Variants in ATR observed in about 807,000 individuals in gnomAD.
ATR encodes the protein serine/threonine-protein kinase ATR.
In ATR, 142 loss-of-function variants were observed where a neutral mutation model predicts 305.3. The ratio of observed to expected loss-of-function variants is 0.47; its 90% CI spans 0.41 to 0.53. ATR has a LOEUF of 0.53. Among genes scored for constraint, ATR ranks in the 20% least tolerant of loss-of-function variants. ATR has a pLI of 0.00. For synonymous variants in ATR, 1,050 were observed against 1,068.1 expected (o/e 0.98, Z 0.33); for missense variants, 2,135 against 3,133.1 (o/e 0.68, Z 7.60).
At chr3:142,471,558 T>C (rs2071265968) in intron 36 of ATR, among the ~76,000 whole-genome samples, 1 of 152,190 alleles carries the variant, frequency 6.6e-6, no homozygotes, top group Non-Finnish European at 1.5e-5. Flanking sequence ...TTAGGAGAGC[T>C]AGCAGGTTTT....
intron 27 of ATR, among the ~76,000 whole-genome samples, chr3:142,511,540 C>A (rs572336145): frequency 6.6e-6 from 1 of 152,116 alleles, no homozygotes; most frequent in African/African-American, 2.4e-5. Flanking sequence ...CCTGTAATCC[C>A]AGCTACTCGC....
intron 18 of ATR, 51 bp from the exon 19 acceptor site, chr3:142,538,676 A>T (rs775950723): frequency 1.2e-6 from 2 of 1,601,388 alleles, no homozygotes; most frequent in Admixed American, 3.4e-5. Flanking sequence ...TATTATTTGT[A>T]AAGCTCTATC....
At chr3:142,572,364 C>T (rs1277533902) in intron 1 of ATR, among the ~76,000 whole-genome samples, 4 of 140,590 alleles carry the variant, frequency 2.8e-5, no homozygotes, top group South Asian at 2.3e-4. Flanking sequence ...CCACCACGCC[C>T]GGCCTGACTT....
At chr3:142,465,607 CT>C (rs1385080079) in intron 40 of ATR, 1 of 160,432 alleles carries the variant, frequency 6.2e-6, no homozygotes, top group East Asian at 1.8e-4. Flanking sequence ...GTTTTTCAAG[CT>C]TTATCAATTA....
At position 142,560,316 on chromosome 3, in the gene ATR, GACA is replaced by G. The variant is rs1559995930; in HGVS notation, c.1485_1487del (p.Val496del). 1 of 1,613,834 alleles carries G rather than the reference GACA, an allele frequency of 6.2e-7. No individual in the cohort carries two copies. The highest frequency in any genetic ancestry group is 8.5e-7 in the Non-Finnish European group (1 of 1,179,906). On this transcript the variant is annotated inframe_deletion, in exon 6 of 47. Transcript: ENST00000350721. ...CAGTACACAGAGCAGTCAGTTGTAAGACAACAGCAATTCCTTCTAACATCTCAA... is the reference window on the plus strand; with the variant it reads ...CAGTACACAGAGCAGTCAGTTGTAAGACAGCAATTCCTTCTAACATCTCAA...
intron 46 of ATR, 34 bp downstream of exon 46, chr3:142,453,094 C>T: frequency 6.2e-7 from 1 of 1,613,482 alleles, no homozygotes; most frequent in Non-Finnish European, 8.5e-7. Flanking sequence ...GAGATGAGGA[C>T]TACAGCCCAT....
chr3:142,505,651 T>A (rs1293905804), intron 28 of ATR, among the ~76,000 whole-genome samples: 1 of 152,216 alleles, frequency 6.6e-6, no homozygotes, highest in African/African-American at 2.4e-5. Context: ...TTTAAATTTT[T>A]AAAAATGTAA....
In ATR at chr3:142,556,503, G is replaced by C. The variant is rs756210333; in HGVS notation, c.1958C>G (p.Thr653Arg). 1 of 1,614,068 alleles carries C rather than the reference G, an allele frequency of 6.2e-7. No homozygotes were observed. Among genetic ancestry groups the C allele is most frequent in the East Asian group, 2.2e-5 (1 of 44,872 alleles). ...CTGCAGGGCCCAGTTGTAAACTGCT[G>C]TTCTCCACTCAAGGAATATTCTTCT... ...FPRRIFLEWR[T>R]AVYNWALQSS... The change falls in exon 9 of 47, where the codon ACA (threonine) becomes AGA (arginine). Residue 653 changes from threonine (T) to arginine (R), a missense_variant. Coordinates refer to ENST00000350721, the MANE Select transcript of ATR (RefSeq NM_001184.4).
intron 1 of ATR, among the ~76,000 whole-genome samples, chr3:142,569,139 G>A (rs1275324214): frequency 6.6e-6 from 1 of 152,104 alleles, no homozygotes; most frequent in Non-Finnish European, 1.5e-5. Context: ...ACTGCCTATG[G>A]ACCAATTAGC....
At position 142,469,397 on chromosome 3, in the gene ATR, T is replaced by C; in HGVS notation, c.6492A>G (p.Ile2164Met). 1.2e-6 allele frequency: 2 copies of C among 1,613,972 alleles called. No individual in the cohort carries two copies. The highest frequency in any genetic ancestry group is 1.7e-6 in the Non-Finnish European group (2 of 1,179,944). The change falls in exon 38 of 47, where the codon ATA becomes ATG. Residue 2164 changes from isoleucine to methionine, a missense_variant. Physicochemically the swap from Ile to Met is conservative, Grantham distance 10. This residue lies in a region of ATR where 462 missense variants were observed against 887.6 expected (regional missense o/e 0.52). Transcript: ENST00000350721. ...DEVFVVLMEI[I>M]AKVFLAYPQQ... ...GAGGATAGGCTAGAAATACTTTGGC[T>C]ATTATTTCCATCAAGACAACAAAAA... is the stretch of plus-strand genomic sequence containing the variant.
At chr3:142,514,807 C>CAAAAAAAAAAAAAA (rs56770183) in intron 25 of ATR, among the ~76,000 whole-genome samples, 1 of 99,864 alleles carries the variant, frequency 1.0e-5, no homozygotes, top group Non-Finnish European at 1.9e-5. Flanking sequence ...GACTCCGTCA[C>CAAAAAAAAAAAAAA]AAAAAAAAAA....
chr3:142,544,347 G>C (rs1381672290), intron 16 of ATR, among the ~76,000 whole-genome samples: 1 of 150,012 alleles, frequency 6.7e-6, no homozygotes, highest in Non-Finnish European at 1.5e-5. Flanking sequence ...AGCTACTCAG[G>C]AGGCTGAGGT....
intron 5 of ATR, among the ~76,000 whole-genome samples, chr3:142,560,706 G>A (rs567808684): frequency 2.6e-5 from 4 of 152,018 alleles, no homozygotes; most frequent in South Asian, 2.1e-4. Flanking sequence ...GACTACAGGC[G>A]CCAACCACCA....
chr3:142,459,191 C>G (rs1228126384), intron 43 of ATR, 36 bp downstream of exon 43: 1 of 1,613,264 alleles, frequency 6.2e-7, no homozygotes. Context: ...AATAAACATT[C>G]AACCATAACA....
chr3:142,451,604 G>A, intron 46 of ATR: 1 of 1,294,744 alleles, frequency 7.7e-7, no homozygotes, highest in Non-Finnish European at 1.0e-6. Flanking sequence ...ATGATGCCAA[G>A]GGTCTCACTC....
chr3:142,543,876 G>T (rs1279443101), intron 16 of ATR, among the ~76,000 whole-genome samples: 1 of 151,892 alleles, frequency 6.6e-6, no homozygotes, highest in Non-Finnish European at 1.5e-5. Flanking sequence ...TCGCCATGTT[G>T]CCCAGGCTGG....
chr3:142,574,842 A>C (rs1241261219), intron 1 of ATR, among the ~76,000 whole-genome samples: 1 of 152,180 alleles, frequency 6.6e-6, no homozygotes, highest in Non-Finnish European at 1.5e-5. Flanking sequence ...AGGCAGTGAA[A>C]TAAGGGTAAG....
At position 142,507,918 on chromosome 3, in the gene ATR, A is replaced by T; in HGVS notation, c.5031+13T>A. ...TAATTTTCATTATTAAATTCACTAT[A>T]TTAACTTCAGACCTGTAAAAATCCA... is the stretch of plus-strand genomic sequence containing the variant. On this transcript the variant is annotated intron_variant, in intron 28 of 46. Coordinates refer to ENST00000350721, the MANE Select transcript of ATR (RefSeq NM_001184.4). 6.4e-7 allele frequency: 1 copy of T among 1,571,378 alleles called. No individual in the cohort carries two copies. Among genetic ancestry groups the T allele is most frequent in the East Asian group, 2.2e-5 (1 of 44,608 alleles).
intron 36 of ATR, among the ~76,000 whole-genome samples, chr3:142,478,631 T>G (rs1449902281): frequency 6.6e-6 from 1 of 152,180 alleles, no homozygotes; most frequent in African/African-American, 2.4e-5. Flanking sequence ...CTGAATTCAA[T>G]TCCTGGATAT....
Sources: gnomAD v4.1 joint callset for allele counts (sites outside exome capture counted in the v4.1 genomes callset) on GRCh38, gnomAD v4.1.1 for gene constraint, gnomAD v4.1.1 regional missense constraint, MANE v1.5 for transcripts, NCBI Gene and HGNC (gene_info 2026-07-23, HGNC 2026-07-21) for gene names.